Variants in MTFMT observed in about 807,000 individuals in gnomAD.
MTFMT encodes methionyl-tRNA formyltransferase, mitochondrial.
In MTFMT, 47 loss-of-function variants were observed where a neutral mutation model predicts 51.8. The observed-to-expected ratio is 0.91, with a 90% confidence interval of 0.72 to 1.16. MTFMT has a LOEUF of 1.16. MTFMT is among the 50% of genes most tolerant of loss of function. The pLI is 0.00. For synonymous variants in MTFMT, 196 were observed against 176.7 expected (o/e 1.11, Z -0.87); for missense variants, 512 against 482.3 (o/e 1.06, Z -0.58).
At position 65,003,283 on chromosome 15, in the gene MTFMT, T is replaced by C. The variant is rs375462084; in HGVS notation, c.976-27A>G. The C allele has an allele frequency of 2.4e-4, 383 of 1,572,704 alleles. 8 individuals carry two copies. In the South Asian group the frequency reaches 3.5e-3, roughly 14 times the overall value. Reference sequence around the variant, plus strand: ...TAAAGGGCAAAATACAAATAGTGAATAGGCAGGGGTGGCAAAACTAAAAAG... The same window carrying C: ...TAAAGGGCAAAATACAAATAGTGAACAGGCAGGGGTGGCAAAACTAAAAAG... On this transcript the variant is annotated intron_variant, in intron 8 of 8. Coordinates refer to ENST00000220058, the MANE Select transcript of MTFMT (RefSeq NM_139242.4).
At chr15:65,023,482 C>T (rs2086392840) in intron 3 of MTFMT, among the ~76,000 whole-genome samples, 190 bp downstream of exon 3, 2 of 151,380 alleles carry the variant, frequency 1.3e-5, no homozygotes, top group South Asian at 2.1e-4. Context: ...AAAGAGACCC[C>T]GCATAAATAC....
intron 6 of MTFMT, among the ~76,000 whole-genome samples, chr15:65,011,404 T>C (rs568415665): frequency 1.3e-5 from 2 of 152,204 alleles, no homozygotes; most frequent in African/African-American, 4.8e-5. Context: ...TGCTGAGTCA[T>C]TGTAAGAATT....
chr15:65,004,552 T>G (rs1228743759), intron 8 of MTFMT, among the ~76,000 whole-genome samples: 1 of 152,198 alleles, frequency 6.6e-6, no homozygotes, highest in Non-Finnish European at 1.5e-5. Context: ...ATGACTATCT[T>G]TTATGTTACC....
intron 6 of MTFMT, among the ~76,000 whole-genome samples, chr15:65,009,305 T>C (rs969321687): frequency 2.0e-5 from 3 of 152,222 alleles, no homozygotes; most frequent in Admixed American, 6.5e-5. Context: ...CTGGCCTAAA[T>C]TGCATCTCAG....
intron 2 of MTFMT, among the ~76,000 whole-genome samples, chr15:65,025,198 C>T (rs1277246243): frequency 2.1e-5 from 3 of 143,394 alleles, no homozygotes; most frequent in African/African-American, 7.8e-5. Context: ...AGTTTGGGAC[C>T]AGGTTGGGCC....
chr15:65,015,102 T>C (rs2086307535), intron 6 of MTFMT, among the ~76,000 whole-genome samples: 1 of 152,170 alleles, frequency 6.6e-6, no homozygotes, highest in South Asian at 2.1e-4. Flanking sequence ...CTGTGCCAGA[T>C]ACTGTACAAG....
intron 6 of MTFMT, among the ~76,000 whole-genome samples, chr15:65,006,567 G>A (rs1438512518): frequency 6.6e-6 from 1 of 151,830 alleles, no homozygotes; most frequent in South Asian, 2.1e-4. Context: ...AAGTAGAGAC[G>A]GGGTTTCACC....
At chr15:65,003,567 C>T (rs2086195112) in intron 8 of MTFMT, among the ~76,000 whole-genome samples, 1 of 151,894 alleles carries the variant, frequency 6.6e-6, no homozygotes, top group Non-Finnish European at 1.5e-5. Context: ...ACATGAAATA[C>T]ACATATAGGC....
chr15:65,013,954 AC>A (rs1438056704), intron 6 of MTFMT, among the ~76,000 whole-genome samples: 1 of 151,842 alleles, frequency 6.6e-6, no homozygotes, highest in Non-Finnish European at 1.5e-5. Context: ...AAAAAAAAAA[AC>A]AAAAAACAAA....
chr15:65,003,317 A>T (rs2086192881), intron 8 of MTFMT, 61 bp from the exon 9 acceptor site: 3 of 1,279,332 alleles, frequency 2.3e-6, no homozygotes, highest in Non-Finnish European at 3.3e-6. Flanking sequence ...AGCCAAGTAA[A>T]TATTAGTTTA....
chr15:65,028,833 A>G (rs1389888585), intron 1 of MTFMT, among the ~76,000 whole-genome samples: 3 of 152,322 alleles, frequency 2.0e-5, no homozygotes, highest in African/African-American at 7.2e-5. Flanking sequence ...TACTAAATGT[A>G]TACCTAACAG....
In MTFMT at chr15:65,029,623, CGCCGGCGGCCG is replaced by C; in HGVS notation, c.-21_-11del. The C allele has an allele frequency of 7.3e-7, 1 of 1,375,412 alleles. No individual in the cohort carries two copies. The highest frequency in any genetic ancestry group is 1.6e-5 in the South Asian group (1 of 61,612). The allele number at this position is 1,375,412 out of a possible 1,614,324, so 85.2% of individuals were successfully genotyped here. ...GCACCAACACCCTCATCGCCTCGGC[CGCCGGCGGCCG>C]GCCCTGCGCAGGCGCATCGGGGCGG... is the stretch of plus-strand genomic sequence containing the variant. On this transcript the variant is annotated 5_prime_UTR_variant, in exon 1 of 9. Transcript: ENST00000220058.
intron 6 of MTFMT, among the ~76,000 whole-genome samples, chr15:65,012,127 G>T (rs2086272877): frequency 1.9e-5 from 1 of 53,220 alleles, no homozygotes; most frequent in Non-Finnish European, 3.1e-5. Flanking sequence ...TGGCACTCTT[G>T]TCAAAAAAAA....
At chr15:65,022,435 AGAGT>A (rs2086382148) in intron 3 of MTFMT, among the ~76,000 whole-genome samples, 1 of 151,776 alleles carries the variant, frequency 6.6e-6, no homozygotes, top group South Asian at 2.1e-4. Flanking sequence ...CCGGGGTGAC[AGAGT>A]GAGACCCCGT....
At chr15:65,009,488 A>T (rs1361073860) in intron 6 of MTFMT, among the ~76,000 whole-genome samples, 2 of 152,102 alleles carry the variant, frequency 1.3e-5, no homozygotes, top group African/African-American at 2.4e-5. Flanking sequence ...TCTATGAATG[A>T]TCCTAATTTA....
At chr15:65,011,200 T>C (rs2086261899) in intron 6 of MTFMT, among the ~76,000 whole-genome samples, 1 of 152,082 alleles carries the variant, frequency 6.6e-6, no homozygotes, top group African/African-American at 2.4e-5. Flanking sequence ...CGCTTGCCTA[T>C]AATCCCAGCT....
rs115766513 is a variant in MTFMT at position 65,021,059 on chromosome 15, T to C, written c.645+455A>G. Among the ~76,000 whole-genome samples the C allele has an allele frequency of 0.011, 1,614 of 152,280 alleles. 62 individuals carry two copies. The South Asian group carries it at 0.12, about 12-fold the overall frequency. On this transcript the variant is annotated intron_variant, in intron 4 of 8. Coordinates refer to ENST00000220058, the MANE Select transcript of MTFMT (RefSeq NM_139242.4). Reference sequence around the variant, plus strand: ...TCATGCAGTTTCAATGAATTATATATACAAAGCCACAGAAAAAAGAAGGAT... The same window carrying C: ...TCATGCAGTTTCAATGAATTATATACACAAAGCCACAGAAAAAAGAAGGAT...
chr15:65,006,413 T>C (rs1174698788), intron 6 of MTFMT, among the ~76,000 whole-genome samples: 6 of 150,202 alleles, frequency 4.0e-5, no homozygotes, highest in African/African-American at 1.5e-4. Context: ...AGTCTCGTTG[T>C]GTCACCAGGC....
At chr15:65,024,066 C>A (rs558899803) in intron 2 of MTFMT, among the ~76,000 whole-genome samples, 1 of 152,324 alleles carries the variant, frequency 6.6e-6, no homozygotes, top group East Asian at 1.9e-4. Context: ...GTGGCTCATG[C>A]CTGTAATCCC....
Sources: allele counts gnomAD v4.1 joint callset (sites outside exome capture counted in the v4.1 genomes callset), GRCh38; gene constraint gnomAD v4.1.1; transcripts MANE v1.5; gene names NCBI Gene and HGNC (gene_info 2026-07-23, HGNC 2026-07-21).